The following MFSD6 variants were observed in gnomAD, a reference collection of about 807,000 sequenced individuals.
MFSD6 encodes the protein major facilitator superfamily domain-containing protein 6.
A neutral mutation model predicts 56.3 loss-of-function variants in MFSD6; 26 were observed. The observed-to-expected ratio is 0.46, with a 90% CI of 0.34 to 0.64. MFSD6 has a LOEUF of 0.64. MFSD6 is among the 30% of genes least tolerant of loss of function. The probability of loss-of-function intolerance (pLI) is 0.01; values close to 1 mark genes in which losing one functional copy is unlikely to be tolerated. For synonymous variants in MFSD6, 331 were observed against 366.9 expected (o/e 0.90, Z 1.12); for missense variants, 750 against 986.2 (o/e 0.76, Z 3.21).
Position 190,469,792 on chromosome 2 carries a change from C to T in MFSD6, c.1567C>T (p.Arg523Cys), listed in dbSNP as rs972401389. 1.1e-5 allele frequency: 17 copies of T among 1,605,414 alleles called. No individual in the cohort carries two copies. Among genetic ancestry groups the T allele is most frequent in the Admixed American group, 3.4e-5 (2 of 58,906 alleles). Residue 523 changes from arginine (R) to cysteine (C), a missense_variant, in exon 4 of 8, where the codon CGC becomes TGC. By Grantham distance (180) the Arg-to-Cys change is radical. Coordinates refer to ENST00000392328, the MANE Select transcript of MFSD6 (RefSeq NM_017694.4). The surrounding 1 kb of genome is among the most constrained non-coding windows in gnomAD (Gnocchi z 5.3). ...CATTGGCCTGGCCTGCAATACGGCT[C>T]GCTATATTTATATTTCCTACCTGGA... is the stretch of plus-strand genomic sequence containing the variant. Reference protein sequence around the residue: ...LYIGLACNTARYIYISYLENA... With the variant: ...LYIGLACNTACYIYISYLENA...
intron 3 of MFSD6, among the ~76,000 whole-genome samples, chr2:190,450,744 C>T (rs943803832): frequency 1.3e-5 from 2 of 152,160 alleles, no homozygotes; most frequent in Non-Finnish European, 2.9e-5. Flanking sequence ...CTGCCCACCT[C>T]AGCCTCCGAA....
Position 190,463,863 on chromosome 2 carries a change from G to T in MFSD6, c.1533-5895G>T. 9.2e-6 allele frequency: 9 copies of T among 982,108 alleles called. No individual in the cohort carries two copies. The highest frequency in any genetic ancestry group is 1.1e-5 in the Non-Finnish European group (9 of 827,034). 60.8% of individuals were successfully genotyped at this position (982,108 alleles called of 1,614,324 possible). On this transcript the variant is annotated intron_variant, in intron 3 of 7. Coordinates refer to ENST00000392328, the MANE Select transcript of MFSD6 (RefSeq NM_017694.4). The surrounding 1 kb of genome is among the most constrained non-coding windows in gnomAD (Gnocchi z 4.4). ...AAAATAAAAATAAAAAGCTGAGAAT[G>T]ATGGAGCCCAATCTAAGGGCGCACC...
In MFSD6 at chr2:190,437,422, T is replaced by G; in HGVS notation, c.1393T>G (p.Phe465Val). 2 of 1,614,268 alleles carry G rather than the reference T, an allele frequency of 1.2e-6. No homozygotes were observed. Among genetic ancestry groups the G allele is most frequent in the Non-Finnish European group, 1.7e-6 (2 of 1,180,048 alleles). ...WFMGFGYGFV[F>V]TFLYWHLEDL... ...CATGGGTTTTGGATATGGCTTCGTG[T>G]TCACCTTTCTCTACTGGCATTTGGA... is the stretch of plus-strand genomic sequence containing the variant. Residue 465 changes from phenylalanine to valine, a missense_variant, in exon 3 of 8, where the codon TTC (phenylalanine) becomes GTC (valine). This residue lies in a region of MFSD6 where 125 missense variants were observed against 223.1 expected (regional missense o/e 0.56). Transcript: ENST00000392328. This position sits in a 1 kb window ranked among gnomAD's most constrained non-coding sequence, Gnocchi z 5.9.
In MFSD6 at chr2:190,431,759, T is replaced by A. The variant is rs1212692484; in HGVS notation, c.-53-4218T>A. Among the ~76,000 whole-genome samples the A allele has an allele frequency of 6.6e-6, 1 of 152,106 alleles. No homozygotes were observed. Among genetic ancestry groups the A allele is most frequent in the African/African-American group, 2.4e-5 (1 of 41,438 alleles). On this transcript the variant is annotated intron_variant, in intron 2 of 7. Transcript: ENST00000392328. This position sits in a 1 kb window ranked among gnomAD's most constrained non-coding sequence, Gnocchi z 4.4. The stretch of plus-strand genomic sequence containing the variant: ...GGGAGAGGGAGAGGGAGCATGAGCA[T>A]CTTGTTCTTTATTTTCCTAAGAAAT...
In MFSD6 at chr2:190,434,459, C is replaced by T. The variant is rs960785584; in HGVS notation, c.-53-1518C>T. ...ATTTTATTTATTTATTTTTTTGAGA[C>T]GGAGTCTCGCTCTGTTGCCAGGCTG... is the stretch of plus-strand genomic sequence containing the variant. On this transcript the variant is annotated intron_variant, in intron 2 of 7. Transcript: ENST00000392328. This position sits in a 1 kb window ranked among gnomAD's most constrained non-coding sequence, Gnocchi z 4.3. 6.6e-6 allele frequency among the ~76,000 whole-genome samples: 1 copy of T among 151,860 alleles called. No individual in the cohort carries two copies. The highest frequency in any genetic ancestry group is 1.5e-5 in the Non-Finnish European group (1 of 67,964).
Position 190,499,882 on chromosome 2 carries a change from T to C in MFSD6, c.2173-133T>C. 6.4e-7 allele frequency: 1 copy of C among 1,557,724 alleles called. No individual in the cohort carries two copies. The highest frequency in any genetic ancestry group is 8.7e-7 in the Non-Finnish European group (1 of 1,149,918). On this transcript the variant is annotated intron_variant, in intron 7 of 7. Coordinates refer to ENST00000392328, the MANE Select transcript of MFSD6 (RefSeq NM_017694.4). The surrounding 1 kb of genome is among the most constrained non-coding windows in gnomAD (Gnocchi z 6.0). ...GTAAGACATTCTATCCTTATTCCTC[T>C]ATTACTTGGTCCCTGAAATGGGCAC...
rs775165268 is a variant in MFSD6 at position 190,458,709 on chromosome 2, G to C, written c.1533-11049G>C. Among the ~76,000 whole-genome samples, 4 of 152,196 alleles carry C rather than the reference G, an allele frequency of 2.6e-5. No homozygotes were observed. Among genetic ancestry groups the C allele is most frequent in the Non-Finnish European group, 5.9e-5 (4 of 68,046 alleles). ...GTCACTTGAGACTCTTTCAGTGAAA[G>C]TGGCAAAAATCCTTACCCAGAGAAG... is the stretch of plus-strand genomic sequence containing the variant. On this transcript the variant is annotated intron_variant, in intron 3 of 7. Coordinates refer to ENST00000392328, the MANE Select transcript of MFSD6 (RefSeq NM_017694.4). The surrounding 1 kb of genome is among the most constrained non-coding windows in gnomAD (Gnocchi z 5.3).
chr2:190,453,224 G>A (rs1031299334), intron 3 of MFSD6, among the ~76,000 whole-genome samples: 1 of 152,100 alleles, frequency 6.6e-6, no homozygotes, highest in Non-Finnish European at 1.5e-5. Context: ...TTATATTACA[G>A]ATTAGGTACC....
rs199927176 is a variant in MFSD6 at position 190,482,868 on chromosome 2, C to CTTTTTTTTTT, written c.1631-5763_1631-5754dup. Among the ~76,000 whole-genome samples the CTTTTTTTTTT allele has an allele frequency of 2.9e-4, 14 of 48,284 alleles. 3 individuals carry two copies. The highest frequency in any genetic ancestry group is 7.0e-4 in the East Asian group (1 of 1,434). The allele number at this position is 48,284 out of a possible 152,430, so 31.7% of individuals were successfully genotyped here. A position where few individuals can be genotyped will look rare whatever the true frequency, so the allele number is the denominator to read the frequency against. ...GGAGAAGAGTTATTAAGACTATCAT[C>CTTTTTTTTTT]TTTTTTTTTTTTTTTTTTTTTTTTT... On this transcript the variant is annotated intron_variant, in intron 4 of 7. Transcript: ENST00000392328.
intron 4 of MFSD6, among the ~76,000 whole-genome samples, chr2:190,470,704 G>T (rs1330094763): frequency 1.3e-5 from 2 of 152,094 alleles, no homozygotes; most frequent in African/African-American, 4.8e-5. Flanking sequence ...GACAAATGCG[G>T]TGTAATCAAT....
intron 4 of MFSD6, among the ~76,000 whole-genome samples, chr2:190,475,052 A>G (rs1688206810): frequency 6.6e-6 from 1 of 152,220 alleles, no homozygotes; most frequent in Non-Finnish European, 1.5e-5. Context: ...TTAGGTATTG[A>G]TGGGACATAT....
At position 190,491,920 on chromosome 2, in the gene MFSD6, A is replaced by G. The variant is rs752617612; in HGVS notation, c.1891+2054A>G. On this transcript the variant is annotated intron_variant, in intron 6 of 7. Transcript: ENST00000392328. The surrounding 1 kb of genome is among the most constrained non-coding windows in gnomAD (Gnocchi z 4.2). Reference sequence around the variant, plus strand: ...AGGAAATCAAAAAAATGATACAAGAAGTGAGGGGAGAAATCTTCAATGAGA... The same window carrying G: ...AGGAAATCAAAAAAATGATACAAGAGGTGAGGGGAGAAATCTTCAATGAGA... Among the ~76,000 whole-genome samples the G allele has an allele frequency of 3.3e-5, 5 of 152,184 alleles. No individual in the cohort carries two copies. Among genetic ancestry groups the G allele is most frequent in the Non-Finnish European group, 7.4e-5 (5 of 68,024 alleles).
In MFSD6 at chr2:190,489,349, A is replaced by G. The variant is rs996048947; in HGVS notation, c.1793-419A>G. Reference sequence around the variant, plus strand: ...CTCCAGGAATCTTAACTACTCAGTCATCTATTAATATATAAGGTGGGCCCC... The same window carrying G: ...CTCCAGGAATCTTAACTACTCAGTCGTCTATTAATATATAAGGTGGGCCCC... On this transcript the variant is annotated intron_variant, in intron 5 of 7. Transcript: ENST00000392328. This position sits in a 1 kb window ranked among gnomAD's most constrained non-coding sequence, Gnocchi z 6.6. Among the ~76,000 whole-genome samples the G allele has an allele frequency of 6.6e-6, 1 of 152,202 alleles. No individual in the cohort carries two copies.
At position 190,443,137 on chromosome 2, in the gene MFSD6, C is replaced by A. The variant is rs193063502; in HGVS notation, c.1532+5576C>A. 1.3e-5 allele frequency: 2 copies of A among 152,192 alleles called. No individual in the cohort carries two copies. Among genetic ancestry groups the A allele is most frequent in the Non-Finnish European group, 2.9e-5 (2 of 67,990 alleles). The allele number at this position is 152,192 out of a possible 1,614,324, so 9.4% of individuals were successfully genotyped here. On this transcript the variant is annotated intron_variant, in intron 3 of 7. Coordinates refer to ENST00000392328, the MANE Select transcript of MFSD6 (RefSeq NM_017694.4). This position sits in a 1 kb window ranked among gnomAD's most constrained non-coding sequence, Gnocchi z 4.2. ...GCACCCCCCAATATCATCACCTGAGCCAGGAACCCTCTGTGGGTGTTCCTA... is the reference window on the plus strand; with the variant it reads ...GCACCCCCCAATATCATCACCTGAGACAGGAACCCTCTGTGGGTGTTCCTA...
Position 190,497,307 on chromosome 2 carries a change from C to A in MFSD6, c.1892-132C>A. 1 of 987,902 alleles carries A rather than the reference C, an allele frequency of 1.0e-6. No homozygotes were observed. Among genetic ancestry groups the A allele is most frequent in the Non-Finnish European group, 1.5e-6 (1 of 684,104 alleles). The allele number at this position is 987,902 out of a possible 1,614,324, so 61.2% of individuals were successfully genotyped here. ...ACCAAGTAATGAAGTCATTGGTAAC[C>A]AGCAATTTATTAATATTATCAAGCA... On this transcript the variant is annotated intron_variant, in intron 6 of 7. Coordinates refer to ENST00000392328, the MANE Select transcript of MFSD6 (RefSeq NM_017694.4). This position sits in a 1 kb window ranked among gnomAD's most constrained non-coding sequence, Gnocchi z 5.2.
intron 4 of MFSD6, among the ~76,000 whole-genome samples, chr2:190,483,949 G>A (rs1255876880): frequency 6.6e-5 from 10 of 152,080 alleles, no homozygotes; most frequent in Non-Finnish European, 1.5e-4. Flanking sequence ...TTGGCAGTAG[G>A]TAGTGTGGAT....
rs537748774 is a variant in MFSD6 at position 190,487,284 on chromosome 2, T to C, written c.1631-1373T>C. On this transcript the variant is annotated intron_variant, in intron 4 of 7. Transcript: ENST00000392328. This position sits in a 1 kb window ranked among gnomAD's most constrained non-coding sequence, Gnocchi z 5.5. ...TGAACCCAGGAAGCAGAGGTTGCAG[T>C]GAGCTGAGGTCGTGCCACTGCACTC... Among the ~76,000 whole-genome samples, 1 of 152,312 alleles carries C rather than the reference T, an allele frequency of 6.6e-6. No individual in the cohort carries two copies. The highest frequency in any genetic ancestry group is 1.9e-4 in the East Asian group (1 of 5,184).
intron 4 of MFSD6, among the ~76,000 whole-genome samples, chr2:190,476,564 G>A (rs1688329314): frequency 6.6e-6 from 1 of 152,188 alleles, no homozygotes; most frequent in South Asian, 2.1e-4. Context: ...ACAGGTGCTG[G>A]AGAGGATGTG....
chr2:190,430,799 C>T (rs1405224318), intron 2 of MFSD6, among the ~76,000 whole-genome samples: 4 of 72,822 alleles, frequency 5.5e-5, no homozygotes, highest in Non-Finnish European at 1.1e-4. Context: ...GGCAGAGGCG[C>T]CCCCCCCACC....
Sources: allele counts gnomAD v4.1 joint callset (sites outside exome capture counted in the v4.1 genomes callset), GRCh38; gene constraint gnomAD v4.1.1; regional missense constraint gnomAD v4.1.1; non-coding constraint Gnocchi (gnomAD v3.1); transcripts MANE v1.5; gene names NCBI Gene and HGNC (gene_info 2026-07-23, HGNC 2026-07-21).